RBL2: variants seen among roughly 807,000 people sequenced by gnomAD.
RBL2 encodes retinoblastoma-like protein 2.
Under a neutral mutation model 126.0 loss-of-function variants are expected in RBL2, and 56 were observed. The ratio of observed to expected loss-of-function variants is 0.44; its 90% CI spans 0.36 to 0.56. RBL2 has a LOEUF of 0.56. Among genes scored for constraint, RBL2 ranks in the 20% least tolerant of loss-of-function variants. The pLI, the probability that RBL2 is intolerant of heterozygous loss-of-function variation, is 0.00. For synonymous variants in RBL2, 454 were observed against 478.5 expected (o/e 0.95, Z 0.67); for missense variants, 1,229 against 1,398.2 (o/e 0.88, Z 1.93).
Position 53,451,727 on chromosome 16 carries a change from A to C in RBL2, c.662A>C (p.Asp221Ala), listed in dbSNP as rs766148068. The C allele has an allele frequency of 5.6e-6, 9 of 1,613,302 alleles. No homozygotes were observed. The highest frequency in any genetic ancestry group is 7.6e-6 in the Non-Finnish European group (9 of 1,179,406). ...GGTAATTTCCCCATGATTAGTGATG[A>C]TTTGGTCAATTCTTATCACCTGCTG... ...AKGNFPMISD[D>A]LVNSYHLLLC... Residue 221 changes from aspartate (D) to alanine (A), a missense_variant, in exon 5 of 22, where the codon GAT becomes GCT. Asp to Ala is a moderately radical substitution (Grantham distance 126). This residue lies in a region of RBL2 where 1,070 missense variants were observed against 1,274.3 expected (regional missense o/e 0.84). Transcript: ENST00000262133.
At chr16:53,476,024 G>A (rs8045674) in intron 17 of RBL2, among the ~76,000 whole-genome samples, 81,163 of 150,726 alleles carry the variant, frequency 0.54, 24,013 homozygotes, top group African/African-American at 0.78. Context: ...AGATTTTGCT[G>A]TGTTACCCAG....
At chr16:53,487,260 G>A (rs1449915479) in intron 21 of RBL2, among the ~76,000 whole-genome samples, 1 of 152,186 alleles carries the variant, frequency 6.6e-6, no homozygotes, top group African/African-American at 2.4e-5. Flanking sequence ...AAAGGTGGAG[G>A]ATTCACACTA....
At position 53,434,768 on chromosome 16, in the gene RBL2, G is replaced by A; in HGVS notation, c.212G>A (p.Arg71His). Residue 71 changes from arginine to histidine, a missense_variant, in exon 1 of 22, where the codon CGC becomes CAC. Around this residue, in one of 2 missense-constraint regions of RBL2, gnomAD observed 159 missense variants for 123.9 expected, o/e 1.28. Transcript: ENST00000262133. ...CGGGCCGAGGCCTGGGACAGCTACC[G>A]CAGCATGAGCGAAAGCTACACGCTG... ...AARAEAWDSY[R>H]SMSESYTLEG... The A allele has an allele frequency of 6.6e-6, 10 of 1,526,110 alleles. No homozygotes were observed. Among genetic ancestry groups the A allele is most frequent in the Non-Finnish European group, 8.8e-6 (10 of 1,142,084 alleles). 94.5% of individuals were successfully genotyped at this position (1,526,110 alleles called of 1,614,324 possible).
chr16:53,460,992 C>G (rs1319574788), intron 9 of RBL2, among the ~76,000 whole-genome samples: 1 of 152,110 alleles, frequency 6.6e-6, no homozygotes, highest in Non-Finnish European at 1.5e-5. Flanking sequence ...ATGCCAGGAA[C>G]AGTTTATGTG....
Position 53,479,438 on chromosome 16 carries a change from CCTT to C in RBL2, c.2775+217_2775+219del. 3 of 543,998 alleles carry C rather than the reference CCTT, an allele frequency of 5.5e-6. No individual in the cohort carries two copies. In the South Asian group the frequency reaches 7.7e-5, roughly 14 times the overall value. 33.7% of individuals were successfully genotyped at this position (543,998 alleles called of 1,614,324 possible). On this transcript the variant is annotated intron_variant, in intron 18 of 21. Transcript: ENST00000262133. ...GGCAACAATGTTAAATATTTGATTGCCTTCTTAATTCAGAAAAATCACAAGATA... is the reference window on the plus strand; with the variant it reads ...GGCAACAATGTTAAATATTTGATTGCCTTAATTCAGAAAAATCACAAGATA...
intron 18 of RBL2, chr16:53,479,626 A>C: frequency 2.2e-6 from 1 of 462,102 alleles, no homozygotes; most frequent in Non-Finnish European, 3.8e-6. Flanking sequence ...TGTGTATCTT[A>C]CTTAGAATGA....
rs776007943 is a variant in RBL2, at chr16:53,465,533, A to G, written c.1794A>G (p.Ala598=). The change falls in exon 13 of 22, where the codon GCA becomes GCG. Residue 598 remains alanine (A), a synonymous_variant. Coordinates refer to ENST00000262133, the MANE Select transcript of RBL2 (RefSeq NM_005611.4). ...QIEEQILDHL[A]WKPESPLWEK... is the part of the protein sequence containing the mutation. ...AAGAACAGATCTTAGATCATTTGGC[A>G]TGGAAACCAGAGTCTCCACTCTGGG... The G allele has an allele frequency of 1.2e-5, 20 of 1,608,076 alleles. No homozygotes were observed. The highest frequency in any genetic ancestry group is 1.0e-4 in the Admixed American group (6 of 59,022).
intron 11 of RBL2, 72 bp from the exon 12 acceptor site, chr16:53,464,154 T>G: frequency 1.6e-6 from 2 of 1,253,892 alleles, no homozygotes. Flanking sequence ...TATTTTCACT[T>G]AAGTTCACTG....
At chr16:53,480,977 G>A (rs1960923459) in intron 20 of RBL2, 1 of 439,404 alleles carries the variant, frequency 2.3e-6, no homozygotes, top group Non-Finnish European at 4.1e-6. Flanking sequence ...TGGCCAACGT[G>A]GTAAAACCCA....
chr16:53,462,743 A>G (rs750415289), intron 11 of RBL2, 88 bp downstream of exon 11: 1 of 804,200 alleles, frequency 1.2e-6, no homozygotes, highest in South Asian at 1.8e-5. Flanking sequence ...TTTACTTTAT[A>G]TATAGTCTCC....
At chr16:53,440,396 A>G (rs1488212166) in intron 2 of RBL2, among the ~76,000 whole-genome samples, 1 of 152,208 alleles carries the variant, frequency 6.6e-6, no homozygotes, top group African/African-American at 2.4e-5. Flanking sequence ...TACATTGACC[A>G]AAGAATCAGT....
At chr16:53,489,719 A>G (rs1961329151) in intron 21 of RBL2, 1 of 153,064 alleles carries the variant, frequency 6.5e-6, no homozygotes. Context: ...CTAAAAACTG[A>G]GTAACATTAG....
At chr16:53,438,707 G>T (rs2057982387) in intron 1 of RBL2, among the ~76,000 whole-genome samples, 1 of 151,936 alleles carries the variant, frequency 6.6e-6, no homozygotes. Flanking sequence ...AGCCAGGTAT[G>T]GTGGCGCACT....
rs1229088846 is a variant in RBL2 at position 53,434,490 on chromosome 16, C to T, written c.-67C>T. ...GCGGGCGGCGGACGGGCGGGCGCTT[C>T]GCCGTTTGAATGGCTGCGGGCCCGG... On this transcript the variant is annotated 5_prime_UTR_variant, in exon 1 of 22. Transcript: ENST00000262133. The T allele has an allele frequency of 1.4e-5, 18 of 1,318,628 alleles. No individual in the cohort carries two copies. The highest frequency in any genetic ancestry group is 1.6e-5 in the Non-Finnish European group (17 of 1,035,842). The allele number at this position is 1,318,628 out of a possible 1,614,324, so 81.7% of individuals were successfully genotyped here. A position where few individuals can be genotyped will look rare whatever the true frequency, so the allele number is the denominator to read the frequency against.
At chr16:53,478,923 C>CT (rs1160041355) in intron 17 of RBL2, 10 of 470,886 alleles carry the variant, frequency 2.1e-5, no homozygotes, top group East Asian at 1.0e-4. Context: ...CACCTGGCCT[C>CT]TAAGTCTTGA....
chr16:53,474,301 T>TTTTA (rs58302976), intron 17 of RBL2, among the ~76,000 whole-genome samples: 3,693 of 149,900 alleles, frequency 0.025, 122 homozygotes, highest in African/African-American at 0.076. Context: ...GCTGTAATTC[T>TTTTA]TTTATTTATT....
chr16:53,481,048 ACT>A, intron 20 of RBL2: 2 of 251,248 alleles, frequency 8.0e-6, no homozygotes, highest in Non-Finnish European at 1.6e-5. Flanking sequence ...AATCCCAGCT[ACT>A]CTGGGGGCTG....
chr16:53,465,774 C>A, intron 13 of RBL2, 172 bp downstream of exon 13: 1 of 466,596 alleles, frequency 2.1e-6, no homozygotes, highest in Non-Finnish European at 3.6e-6. Context: ...TGGGAAGGTG[C>A]CAAGAGACCA....
intron 17 of RBL2, among the ~76,000 whole-genome samples, chr16:53,478,545 CTT>C (rs71143989): frequency 3.9e-5 from 5 of 128,780 alleles, no homozygotes; most frequent in East Asian, 4.5e-4. Flanking sequence ...TTTGCTAATC[CTT>C]TTTTTTTTTT....
Sources: gnomAD v4.1 joint callset for allele counts (sites outside exome capture counted in the v4.1 genomes callset) on GRCh38, gnomAD v4.1.1 for gene constraint, gnomAD v4.1.1 regional missense constraint, MANE v1.5 for transcripts, NCBI Gene and HGNC (gene_info 2026-07-23, HGNC 2026-07-21) for gene names.